The following GLIS3 variants were observed in gnomAD, a reference collection of about 807,000 sequenced individuals.
GLIS3 encodes the protein GLIS family zinc finger 3, also known as zinc finger protein GLIS3.
GLIS3 carries 53 observed loss-of-function variants against 78.6 expected under a neutral mutation model. The observed-to-expected ratio is 0.67, with a 90% CI of 0.54 to 0.85. The LOEUF is 0.85. Among genes scored for constraint, GLIS3 ranks in the 40% least tolerant of loss-of-function variants. The pLI is 0.00. For missense variants in GLIS3, 1,703 were observed against 1,231.1 expected (o/e 1.38, Z -5.74); for synonymous variants, 684 against 509.9 (o/e 1.34, Z -4.60).
intron 1 of GLIS3, among the ~76,000 whole-genome samples, chr9:4,297,716 C>G (rs1007152937): frequency 2.0e-5 from 3 of 152,138 alleles, no homozygotes; most frequent in African/African-American, 7.2e-5. Flanking sequence ...AGATGAGGGC[C>G]AAGCGGATAC....
At chr9:4,270,146 T>C (rs977655747) in intron 2 of GLIS3, among the ~76,000 whole-genome samples, 2 of 152,206 alleles carry the variant, frequency 1.3e-5, no homozygotes, top group Non-Finnish European at 2.9e-5. Context: ...AAAATGGAGA[T>C]AACAGAGAAA....
chr9:4,039,726 C>A (rs951729297), intron 4 of GLIS3, among the ~76,000 whole-genome samples: 6 of 152,168 alleles, frequency 3.9e-5, no homozygotes, highest in Non-Finnish European at 5.9e-5. Flanking sequence ...CCTCTACAAT[C>A]GGTCCAGATT....
At chr9:4,383,576 C>T in the GLIS3 span, among the ~76,000 whole-genome samples, 1 of 151,640 alleles carries the variant, frequency 6.6e-6, no homozygotes, top group African/African-American at 2.4e-5. Context: ...TCAAACCTGG[C>T]TATATTTCAA....
intron 3 of GLIS3, among the ~76,000 whole-genome samples, chr9:4,309,909 G>T (rs1030464798): frequency 6.6e-6 from 1 of 152,144 alleles, no homozygotes; most frequent in Non-Finnish European, 1.5e-5. Flanking sequence ...GCGGCCAAAA[G>T]ATTTCTCTCA....
chr9:4,038,846 T>C (rs1220821589), intron 4 of GLIS3, among the ~76,000 whole-genome samples: 1 of 152,192 alleles, frequency 6.6e-6, no homozygotes, highest in African/African-American at 2.4e-5. Flanking sequence ...TATCCCTGTC[T>C]GTAGAAACAT....
At chr9:3,847,328 C>CA (rs146710900) in intron 9 of GLIS3, among the ~76,000 whole-genome samples, 2,022 of 152,296 alleles carry the variant, frequency 0.013, 23 homozygotes, top group South Asian at 0.027. Flanking sequence ...CTGGCTCTGC[C>CA]AATCAGTCTA....
chr9:4,371,220 C>G, the GLIS3 span, among the ~76,000 whole-genome samples: 22 of 152,328 alleles, frequency 1.4e-4, no homozygotes, highest in African/African-American at 4.6e-4. Flanking sequence ...TTTCCATCGG[C>G]TGATTCAGCG....
intron 4 of GLIS3, among the ~76,000 whole-genome samples, chr9:3,950,620 T>C (rs1410063291): frequency 6.6e-6 from 1 of 152,248 alleles, no homozygotes; most frequent in Non-Finnish European, 1.5e-5. Flanking sequence ...TTAGTTGAAA[T>C]ATTTCTTTTT....
Position 4,075,515 on chromosome 9 carries a change from G to C in GLIS3, c.1710+42253C>G, listed in dbSNP as rs184204874. Among the ~76,000 whole-genome samples, 802 of 152,236 alleles carry C rather than the reference G, an allele frequency of 5.3e-3. 6 individuals are homozygous for C. Among genetic ancestry groups the C allele is most frequent in the African/African-American group, 0.015 (627 of 41,560 alleles). ...GGTGTGAACCCAGGAGGCGGAGCTG[G>C]CTGTGAGCCGAGATCGTGCCACTGC... On this transcript the variant is annotated intron_variant, in intron 4 of 10. Transcript: ENST00000381971.
At chr9:4,409,511 A>G in the GLIS3 span, among the ~76,000 whole-genome samples, 3 of 152,306 alleles carry the variant, frequency 2.0e-5, no homozygotes, top group Admixed American at 2.0e-4. Flanking sequence ...GCAGTCTCCT[A>G]TGTCATTCAT....
At chr9:4,279,352 CACACACACACAT>C (rs1297370616) in intron 2 of GLIS3, among the ~76,000 whole-genome samples, 12 of 57,552 alleles carry the variant, frequency 2.1e-4, no homozygotes, top group South Asian at 4.6e-4. Flanking sequence ...CACACACACA[CACACACACACAT>C]AATACATATT....
the GLIS3 span, among the ~76,000 whole-genome samples, chr9:4,463,536 G>C: frequency 1.3e-5 from 2 of 152,116 alleles, no homozygotes; most frequent in Admixed American, 6.6e-5. Context: ...AAATAACCAA[G>C]CCGATTAGAT....
At chr9:4,274,896 C>G (rs886720106) in intron 2 of GLIS3, among the ~76,000 whole-genome samples, 3 of 152,206 alleles carry the variant, frequency 2.0e-5, no homozygotes, top group African/African-American at 7.2e-5. Context: ...TCAAATTATA[C>G]TTGAGTAGCA....
intron 5 of GLIS3, among the ~76,000 whole-genome samples, chr9:3,936,247 C>T (rs1158778903): frequency 1.3e-5 from 2 of 152,018 alleles, no homozygotes; most frequent in East Asian, 1.9e-4. Context: ...TCTACCTGGC[C>T]TAGTGTAACG....
intron 2 of GLIS3, among the ~76,000 whole-genome samples, chr9:4,322,379 T>C (rs1817546052): frequency 6.6e-6 from 1 of 152,196 alleles, no homozygotes; most frequent in Non-Finnish European, 1.5e-5. Context: ...TTTATAATCC[T>C]TTGGGTATAT....
intron 7 of GLIS3, among the ~76,000 whole-genome samples, chr9:3,896,608 G>C (rs978314973): frequency 1.3e-4 from 18 of 137,608 alleles, no homozygotes; most frequent in Non-Finnish European, 2.1e-4. Context: ...AGAGGTTGCA[G>C]TGAGCTGAGA....
intron 2 of GLIS3, among the ~76,000 whole-genome samples, chr9:4,236,184 C>CAAAAAAAAAAAAAAAAAAAAAAAAAAAA (rs59839951): frequency 1.2e-5 from 1 of 84,306 alleles, no homozygotes; most frequent in African/African-American, 4.4e-5. Flanking sequence ...GTGGTTGTCA[C>CAAAAAAAAAAAAAAAAAAAAAAAAAAAA]AAAAAAAAAA....
chr9:3,967,275 G>A (rs539567741), intron 4 of GLIS3, among the ~76,000 whole-genome samples: 2 of 152,184 alleles, frequency 1.3e-5, no homozygotes, highest in South Asian at 2.1e-4. Flanking sequence ...AGACCGAGGC[G>A]GGCAGATCAC....
At chr9:4,142,161 G>C (rs1833862604) in intron 2 of GLIS3, among the ~76,000 whole-genome samples, 1 of 152,134 alleles carries the variant, frequency 6.6e-6, no homozygotes, top group African/African-American at 2.4e-5. Context: ...ATTGATGCCA[G>C]TATGAAAAAA....
Sources: allele counts gnomAD v4.1 joint callset (sites outside exome capture counted in the v4.1 genomes callset), GRCh38; gene constraint gnomAD v4.1.1; transcripts MANE v1.5; gene names NCBI Gene and HGNC (gene_info 2026-07-23, HGNC 2026-07-21).